The following FHOD3 variants were observed in gnomAD, a reference collection of about 807,000 sequenced individuals.
FHOD3 encodes the protein formin homology 2 domain containing 3.
In FHOD3, 90 loss-of-function variants were observed where a neutral mutation model predicts 173.0. The observed-to-expected ratio is 0.52, with a 90% CI of 0.44 to 0.62. FHOD3 has a LOEUF of 0.62. Ranked by LOEUF, FHOD3 falls within the 20% of genes least tolerant of loss-of-function variation. FHOD3 has a pLI of 0.00. For missense variants in FHOD3, 1,945 were observed against 2,034.7 expected, an observed-to-expected ratio of 0.96 and a Z score of 0.85; for synonymous variants, 828 against 823.0, an observed-to-expected ratio of 1.01 and a Z score of -0.10.
chr18:36,607,735 T>G (rs2032237282), intron 8 of FHOD3, among the ~76,000 whole-genome samples: 1 of 152,218 alleles, frequency 6.6e-6, no homozygotes, highest in Non-Finnish European at 1.5e-5. Flanking sequence ...AATATTTTTC[T>G]TAGAATTTTT....
chr18:36,617,422 G>T (rs1013555047), intron 9 of FHOD3, among the ~76,000 whole-genome samples: 2 of 152,090 alleles, frequency 1.3e-5, no homozygotes, highest in Non-Finnish European at 2.9e-5. Flanking sequence ...CAGCAGTTTT[G>T]AGACCTGTTC....
intron 5 of FHOD3, among the ~76,000 whole-genome samples, chr18:36,569,667 T>C (rs1039147683): frequency 6.6e-6 from 1 of 152,136 alleles, no homozygotes; most frequent in Admixed American, 6.6e-5. Flanking sequence ...CATTCACCAA[T>C]ATAAATCATA....
intron 3 of FHOD3, among the ~76,000 whole-genome samples, chr18:36,432,718 C>T (rs771374495): frequency 2.0e-5 from 3 of 152,154 alleles, no homozygotes; most frequent in Non-Finnish European, 2.9e-5. Flanking sequence ...GTAAATGGCT[C>T]CTTCTTGCTG....
chr18:36,342,169 A>G (rs1466098008), intron 1 of FHOD3, among the ~76,000 whole-genome samples: 8 of 152,338 alleles, frequency 5.3e-5, no homozygotes, highest in Admixed American at 5.2e-4. Flanking sequence ...AGAAGATATT[A>G]AGACCAATTT....
At chr18:36,658,257 G>A in intron 14 of FHOD3, 69 bp downstream of exon 14, 1 of 1,056,330 alleles carries the variant, frequency 9.5e-7, no homozygotes. Flanking sequence ...GTTAAGTGTG[G>A]TTAAAGGAAA....
rs144850944 is a variant in FHOD3 at position 36,757,601 on chromosome 18, A to T, written c.4426-1517A>T. Among the ~76,000 whole-genome samples the T allele has an allele frequency of 1.7e-3, 263 of 152,334 alleles. 1 individual carries two copies. Among genetic ancestry groups the T allele is most frequent in the African/African-American group, 6.2e-3 (257 of 41,582 alleles). ...AACTGTTTGTAGTAAGTCACCTTGA[A>T]TGTACATGCTGAATAAAATGAGGAT... On this transcript the variant is annotated intron_variant, in intron 25 of 28. Coordinates refer to ENST00000590592, the MANE Select transcript of FHOD3 (RefSeq NM_001281740.3).
chr18:36,481,328 A>G (rs560980064), intron 3 of FHOD3, among the ~76,000 whole-genome samples: 201 of 152,186 alleles, frequency 1.3e-3, no homozygotes, highest in South Asian at 5.0e-3. Context: ...ACTCTCCCTA[A>G]GACTGCAGGG....
chr18:36,769,563 C>G, intron 28 of FHOD3, 137 bp downstream of exon 28: 2 of 1,179,856 alleles, frequency 1.7e-6, no homozygotes. Flanking sequence ...CACTCATCCA[C>G]AGAAAGTTTC....
chr18:36,412,947 G>A (rs1188436587), intron 3 of FHOD3, among the ~76,000 whole-genome samples: 1 of 152,186 alleles, frequency 6.6e-6, no homozygotes, highest in African/African-American at 2.4e-5. Context: ...CACCTACCTG[G>A]AGCCTTCACA....
chr18:36,770,938 GA>G (rs2043350412), intron 28 of FHOD3, among the ~76,000 whole-genome samples: 1 of 152,064 alleles, frequency 6.6e-6, no homozygotes, highest in Non-Finnish European at 1.5e-5. Flanking sequence ...TTTTTAAATG[GA>G]AAACTATCGT....
chr18:36,410,537 A>G (rs2049302577), intron 3 of FHOD3, among the ~76,000 whole-genome samples: 1 of 150,572 alleles, frequency 6.6e-6, no homozygotes, highest in African/African-American at 2.5e-5. Context: ...ATCAGTTAGT[A>G]ACTCGACATT....
At chr18:36,772,548 A>G (rs1004614560) in intron 28 of FHOD3, among the ~76,000 whole-genome samples, 1 of 152,250 alleles carries the variant, frequency 6.6e-6, no homozygotes, top group Admixed American at 6.5e-5. Context: ...TAACCTTGAA[A>G]TTTATGGCCT....
chr18:36,688,263 A>T lies in FHOD3; in HGVS notation c.2021+1085A>T, dbSNP rs115003129. Among the ~76,000 whole-genome samples the T allele has an allele frequency of 1.1e-3, 173 of 152,286 alleles. 1 individual carries two copies. The highest frequency in any genetic ancestry group is 4.0e-3 in the African/African-American group (168 of 41,562). ...GAGAGATGGAAAGACTGCTTTTAAC[A>T]CCTTTTATGCTGGAGCCAGCTGGGA... On this transcript the variant is annotated intron_variant, in intron 16 of 28. Transcript: ENST00000590592.
At chr18:36,354,755 G>A (rs1227948635) in intron 1 of FHOD3, among the ~76,000 whole-genome samples, 8 of 151,838 alleles carry the variant, frequency 5.3e-5, no homozygotes, top group Non-Finnish European at 7.4e-5. Flanking sequence ...GCAGTGAGCC[G>A]AGATCATGCC....
intron 16 of FHOD3, among the ~76,000 whole-genome samples, chr18:36,689,500 T>G (rs2038828754): frequency 6.6e-6 from 1 of 152,206 alleles, no homozygotes; most frequent in Admixed American, 6.5e-5. Context: ...CTCCATAATT[T>G]CAGACAAACT....
chr18:36,501,960 T>C lies in FHOD3; in HGVS notation c.366T>C (p.Asp122=). ...IEKLYNSSGR[D]LRRALFSLKQ... ...AACTATACAACTCCAGCGGACGAGA[T>C]TTGAGAAGGGCCCTCTTCTCCCTGA... is the stretch of plus-strand genomic sequence containing the variant. Residue 122 remains aspartate, a synonymous_variant, in exon 4 of 29, where the codon GAT becomes GAC. Coordinates refer to ENST00000590592, the MANE Select transcript of FHOD3 (RefSeq NM_001281740.3). 6.2e-7 allele frequency: 1 copy of C among 1,607,190 alleles called. No individual in the cohort carries two copies. The highest frequency in any genetic ancestry group is 1.1e-5 in the South Asian group (1 of 89,496).
chr18:36,479,112 T>C (rs1223033574), intron 3 of FHOD3, among the ~76,000 whole-genome samples: 1 of 152,214 alleles, frequency 6.6e-6, no homozygotes, highest in Non-Finnish European at 1.5e-5. Context: ...TGTGTCTTTG[T>C]TTTGTTCAGT....
chr18:36,449,465 C>T (rs1477125535), intron 3 of FHOD3, among the ~76,000 whole-genome samples: 3 of 152,078 alleles, frequency 2.0e-5, no homozygotes, highest in Non-Finnish European at 4.4e-5. Context: ...GGGTACCTGC[C>T]TAATGTCTGA....
intron 3 of FHOD3, among the ~76,000 whole-genome samples, chr18:36,468,272 C>T (rs1466157286): frequency 6.6e-6 from 1 of 152,184 alleles, no homozygotes; most frequent in Non-Finnish European, 1.5e-5. Context: ...CTACCTCTCC[C>T]CTCGCCTGGG....
Sources: allele counts gnomAD v4.1 joint callset (sites outside exome capture counted in the v4.1 genomes callset), GRCh38; gene constraint gnomAD v4.1.1; transcripts MANE v1.5; gene names NCBI Gene and HGNC (gene_info 2026-07-23, HGNC 2026-07-21).